Variants in POU2AF3 observed in about 807,000 individuals in gnomAD.
The protein encoded by POU2AF3 is cancer susceptibility candidate 13.
At chr11:111,305,515 A>T in the POU2AF3 span, among the ~76,000 whole-genome samples, 3 of 152,224 alleles carry the variant, frequency 2.0e-5, no homozygotes, top group Non-Finnish European at 4.4e-5. Flanking sequence ...GAGTTTAAGG[A>T]GGTCGTATAT....
the POU2AF3 span, chr11:111,298,829 C>CGGGGGG: frequency 2.6e-6 from 1 of 388,154 alleles, no homozygotes; most frequent in Non-Finnish European, 4.4e-6. Flanking sequence ...ACCCCAGGCC[C>CGGGGGG]CCGCCCGCCC....
the POU2AF3 span, chr11:111,306,574 A>C: frequency 1.9e-6 from 3 of 1,551,568 alleles, no homozygotes; most frequent in Non-Finnish European, 2.6e-6. Context: ...GCTCCACACC[A>C]TTTCCCAGAC....
At chr11:111,307,798 C>G in the POU2AF3 span, among the ~76,000 whole-genome samples, 1 of 152,204 alleles carries the variant, frequency 6.6e-6, no homozygotes, top group African/African-American at 2.4e-5. Context: ...TCAGAACGAG[C>G]ACCCTCTAAA....
chr11:111,308,225 C>A, the POU2AF3 span: 1 of 1,551,810 alleles, frequency 6.4e-7, no homozygotes, highest in African/African-American at 1.4e-5. Flanking sequence ...CCATTCCTAC[C>A]AACACTTGTC....
At chr11:111,299,421 T>TA in the POU2AF3 span, 1 of 1,020,686 alleles carries the variant, frequency 9.8e-7, no homozygotes, top group Non-Finnish European at 1.2e-6. Flanking sequence ...CGGCTTGGCC[T>TA]AACAGCCAGT....
At chr11:111,306,540 C>A in the POU2AF3 span, 5 of 1,551,538 alleles carry the variant, frequency 3.2e-6, no homozygotes, top group Non-Finnish European at 4.4e-6. Flanking sequence ...GCACCCGGAG[C>A]CTTTGCTCAA....
At chr11:111,298,826 G>GGGGGGGCGGCC in the POU2AF3 span, 1 of 790,962 alleles carries the variant, frequency 1.3e-6, no homozygotes, top group Non-Finnish European at 1.7e-6. Flanking sequence ...CGTACCCCAG[G>GGGGGGGCGGCC]CCCCCGCCCG....
At chr11:111,308,347 G>C in the POU2AF3 span, 14 of 1,551,574 alleles carry the variant, frequency 9.0e-6, no homozygotes, top group Admixed American at 2.7e-4. Context: ...ACTTCTACCC[G>C]AGCACAGACT....
chr11:111,308,613 C>A, the POU2AF3 span: 6 of 542,108 alleles, frequency 1.1e-5, no homozygotes, highest in Non-Finnish European at 1.5e-5. Context: ...CCGGTCACAG[C>A]GCCACTCCTA....
chr11:111,303,545 AG>A, the POU2AF3 span, among the ~76,000 whole-genome samples: 1 of 152,212 alleles, frequency 6.6e-6, no homozygotes, highest in Non-Finnish European at 1.5e-5. Flanking sequence ...GCAGACAAAC[AG>A]GCCAATCCGG....
chr11:111,308,323 C>G, the POU2AF3 span: 5 of 1,551,740 alleles, frequency 3.2e-6, no homozygotes, highest in East Asian at 4.9e-5. Context: ...TGGATGCTCT[C>G]CAGGCAGCAG....
At chr11:111,304,696 C>G in the POU2AF3 span, 1 of 364,928 alleles carries the variant, frequency 2.7e-6, no homozygotes, top group Non-Finnish European at 4.9e-6. Flanking sequence ...ACCTGTCTTT[C>G]AAATTCTATA....
At chr11:111,298,826 G>GCGGGGCCC in the POU2AF3 span, 5 of 790,962 alleles carry the variant, frequency 6.3e-6, no homozygotes, top group Non-Finnish European at 8.5e-6. Flanking sequence ...CGTACCCCAG[G>GCGGGGCCC]CCCCCGCCCG....
the POU2AF3 span, among the ~76,000 whole-genome samples, chr11:111,307,061 G>T: frequency 6.6e-6 from 1 of 152,150 alleles, no homozygotes; most frequent in South Asian, 2.1e-4. Flanking sequence ...TTTCATTAGG[G>T]GGAGGTTTTG....
chr11:111,304,307 T>C, the POU2AF3 span, among the ~76,000 whole-genome samples: 18 of 139,564 alleles, frequency 1.3e-4, no homozygotes, highest in African/African-American at 3.3e-4. Flanking sequence ...CCATAGATAG[T>C]TGAGATTAAA....
At chr11:111,306,394 G>C in the POU2AF3 span, 3 of 1,445,280 alleles carry the variant, frequency 2.1e-6, no homozygotes, top group East Asian at 7.6e-5. Context: ...TCTCCTCTAG[G>C]ACTGTATTTT....
chr11:111,298,630 G>C, the POU2AF3 span: 1 of 1,245,774 alleles, frequency 8.0e-7, no homozygotes, highest in East Asian at 3.2e-5. Flanking sequence ...AGGCGGGCCA[G>C]GGGCATTTCA....
At chr11:111,298,826 G>GCGGGGGCCCCCC in the POU2AF3 span, 2 of 790,960 alleles carry the variant, frequency 2.5e-6, no homozygotes, top group Non-Finnish European at 3.4e-6. Context: ...CGTACCCCAG[G>GCGGGGGCCCCCC]CCCCCGCCCG....
the POU2AF3 span, among the ~76,000 whole-genome samples, chr11:111,301,966 G>C: frequency 6.6e-6 from 1 of 152,138 alleles, no homozygotes; most frequent in Admixed American, 6.5e-5. Context: ...ACATGCAGCT[G>C]GAAAAGTAAG....
Sources: gnomAD v4.1 joint callset for allele counts (sites outside exome capture counted in the v4.1 genomes callset) on GRCh38, gnomAD v4.1.1 for gene constraint, MANE v1.5 for transcripts, NCBI Gene and HGNC (gene_info 2026-07-23, HGNC 2026-07-21) for gene names.